Variants in SWAP70 observed in about 807,000 individuals in gnomAD.
SWAP70 encodes the protein switching B cell complex subunit SWAP70, also known as switch-associated protein 70.
Under a neutral mutation model 80.2 loss-of-function variants are expected in SWAP70, and 34 were observed. The observed-to-expected ratio is 0.42, with a 90% CI of 0.32 to 0.56. The LOEUF is 0.56. Among genes scored for constraint, SWAP70 ranks in the 20% least tolerant of loss-of-function variants. SWAP70 has a pLI of 0.09. For missense variants in SWAP70, 578 were observed against 690.7 expected, an observed-to-expected ratio of 0.84 and a Z score of 1.83; for synonymous variants, 239 against 238.5, an observed-to-expected ratio of 1.00 and a Z score of -0.02.
chr11:9,692,443 A>G (rs1334370951), intron 1 of SWAP70, among the ~76,000 whole-genome samples: 3 of 151,484 alleles, frequency 2.0e-5, no homozygotes, highest in Admixed American at 1.3e-4. Flanking sequence ...GATGGCATAC[A>G]TATTCTTAGG....
intron 7 of SWAP70, among the ~76,000 whole-genome samples, chr11:9,733,323 T>G (rs930233269): frequency 6.6e-6 from 1 of 152,230 alleles, no homozygotes; most frequent in African/African-American, 2.4e-5. Context: ...ACTTTTGGGC[T>G]GAGTCTGTCT....
chr11:9,747,963 T>G lies in SWAP70; in HGVS notation c.1461T>G (p.Asn487Lys). 1 of 1,614,142 alleles carries G rather than the reference T, an allele frequency of 6.2e-7. No individual in the cohort carries two copies. Among genetic ancestry groups the G allele is most frequent in the Non-Finnish European group, 8.5e-7 (1 of 1,180,028 alleles). Residue 487 changes from asparagine (N) to lysine (K), a missense_variant, in exon 10 of 12, where the codon AAT becomes AAG. By Grantham distance (94) the Asn-to-Lys change is moderately conservative. Transcript: ENST00000318950. ...TTEAEKQELE[N>K]QRVLKEQALQ... ...AGGCGGAGAAGCAGGAGTTGGAGAA[T>G]CAGCGTGTCCTGAAGGAACAGGCCC...
intron 2 of SWAP70, among the ~76,000 whole-genome samples, 174 bp from the exon 3 acceptor site, chr11:9,713,292 C>G (rs549846896): frequency 4.6e-5 from 7 of 152,296 alleles, no homozygotes; most frequent in African/African-American, 9.6e-5. Flanking sequence ...AATGTAACAT[C>G]TTAATTGAGC....
At chr11:9,737,181 A>G (rs1379694679) in intron 7 of SWAP70, among the ~76,000 whole-genome samples, 1 of 152,200 alleles carries the variant, frequency 6.6e-6, no homozygotes, top group Non-Finnish European at 1.5e-5. Context: ...GGGGACAAAG[A>G]GAAATTCTGG....
intron 1 of SWAP70, among the ~76,000 whole-genome samples, chr11:9,670,855 G>A (rs781355780): frequency 6.6e-6 from 1 of 151,518 alleles, no homozygotes; most frequent in Non-Finnish European, 1.5e-5. Flanking sequence ...CTGGGTTCAC[G>A]CCATTCTCCT....
chr11:9,738,877 A>C (rs1480261431), intron 8 of SWAP70, among the ~76,000 whole-genome samples: 2 of 152,122 alleles, frequency 1.3e-5, no homozygotes, highest in Non-Finnish European at 2.9e-5. Flanking sequence ...AGAAAAAAAA[A>C]GAAATTTGTG....
intron 3 of SWAP70, among the ~76,000 whole-genome samples, chr11:9,722,304 G>T (rs1372424496): frequency 1.3e-5 from 2 of 152,246 alleles, no homozygotes; most frequent in African/African-American, 2.4e-5. Flanking sequence ...GAGCTTTGGG[G>T]ATTAAAGATG....
intron 4 of SWAP70, among the ~76,000 whole-genome samples, chr11:9,725,409 C>T (rs188404256): frequency 3.3e-4 from 49 of 147,684 alleles, no homozygotes; most frequent in African/African-American, 9.9e-4. Context: ...TTTGGCTGGA[C>T]GTGGTGGCTC....
intron 1 of SWAP70, among the ~76,000 whole-genome samples, chr11:9,673,645 G>C (rs757658688): frequency 2.6e-5 from 4 of 152,196 alleles, no homozygotes; most frequent in Non-Finnish European, 4.4e-5. Flanking sequence ...TGGTCTCTCT[G>C]TGTAGCTTTC....
intron 4 of SWAP70, among the ~76,000 whole-genome samples, chr11:9,726,476 G>C (rs1475514065): frequency 1.3e-5 from 2 of 152,166 alleles, no homozygotes; most frequent in African/African-American, 4.8e-5. Context: ...AAAGAGGTAT[G>C]AGACGTGGTC....
intron 1 of SWAP70, among the ~76,000 whole-genome samples, chr11:9,669,896 A>G (rs10840286): frequency 0.22 from 33,379 of 151,930 alleles, 4,351 homozygotes; most frequent in Non-Finnish European, 0.29. Context: ...GGGAGGCTGA[A>G]GTGAGTGGAT....
chr11:9,733,303 T>C (rs1007461208), intron 7 of SWAP70, among the ~76,000 whole-genome samples: 2 of 152,308 alleles, frequency 1.3e-5, no homozygotes, highest in Non-Finnish European at 2.9e-5. Flanking sequence ...ATATGGTCTT[T>C]ATTTGAGACA....
intron 2 of SWAP70, among the ~76,000 whole-genome samples, chr11:9,708,964 A>G (rs986146905): frequency 3.9e-5 from 6 of 152,322 alleles, no homozygotes; most frequent in Admixed American, 3.3e-4. Context: ...TTTGTACAGC[A>G]GCATGATCAC....
chr11:9,748,057 G>A lies in SWAP70; in HGVS notation c.1554+1G>A. On this transcript the variant is annotated splice_donor_variant, in intron 10 of 11. Transcript: ENST00000318950. LOFTEE classifies it high-confidence loss of function. ...GAAGCAAGCACTTGAGCAGTACGAG[G>A]TAATGAGACTTGGCCCTGCAAACTT... The A allele has an allele frequency of 6.2e-7, 1 of 1,613,682 alleles. No homozygotes were observed. The highest frequency in any genetic ancestry group is 8.5e-7 in the Non-Finnish European group (1 of 1,179,670).
intron 1 of SWAP70, among the ~76,000 whole-genome samples, chr11:9,678,770 T>G (rs1192340084): frequency 6.6e-6 from 1 of 151,984 alleles, no homozygotes; most frequent in Non-Finnish European, 1.5e-5. Flanking sequence ...TCTCATTCCT[T>G]CCCACCGTGA....
At chr11:9,719,093 CAAAAA>C (rs3049796) in intron 3 of SWAP70, among the ~76,000 whole-genome samples, 1 of 95,724 alleles carries the variant, frequency 1.0e-5, no homozygotes, top group Non-Finnish European at 2.0e-5. Context: ...GACACTGAAT[CAAAAA>C]AAAAAAAAAA....
intron 1 of SWAP70, among the ~76,000 whole-genome samples, chr11:9,667,406 A>G (rs1251823744): frequency 1.3e-5 from 2 of 151,766 alleles, no homozygotes; most frequent in African/African-American, 2.4e-5. Flanking sequence ...ATGAGCCACC[A>G]TGCTCAGTTC....
intron 9 of SWAP70, among the ~76,000 whole-genome samples, chr11:9,743,153 G>T (rs1851465094): frequency 6.8e-6 from 1 of 146,180 alleles, no homozygotes; most frequent in Non-Finnish European, 1.5e-5. Flanking sequence ...TGCGGTGTTT[G>T]GTTTTTTGTT....
intron 1 of SWAP70, among the ~76,000 whole-genome samples, chr11:9,679,643 G>T (rs375239489): frequency 3.3e-5 from 5 of 152,008 alleles, no homozygotes; most frequent in Admixed American, 3.3e-4. Context: ...AGCTTCCTTT[G>T]CTTTTTATTT....
Sources: allele counts gnomAD v4.1 joint callset (sites outside exome capture counted in the v4.1 genomes callset), GRCh38; gene constraint gnomAD v4.1.1; transcripts MANE v1.5; gene names NCBI Gene and HGNC (gene_info 2026-07-23, HGNC 2026-07-21).